PIK3R4: variants seen among roughly 807,000 people sequenced by gnomAD.
The protein encoded by PIK3R4 is phosphoinositide 3-kinase regulatory subunit 4.
In PIK3R4, 46 loss-of-function variants were observed where a neutral mutation model predicts 136.5. The ratio of observed to expected loss-of-function variants is 0.34; its 90% confidence interval spans 0.27 to 0.43. The LOEUF (loss-of-function observed/expected upper bound fraction) is 0.43. Among genes scored for constraint, PIK3R4 ranks in the 20% least tolerant of loss-of-function variants. The pLI, the probability that PIK3R4 is intolerant of heterozygous loss-of-function variation, is 1.00. For missense variants in PIK3R4, 1,331 were observed against 1,649.5 expected, an observed-to-expected ratio of 0.81 and a Z score of 3.35; for synonymous variants, 557 against 566.7, an observed-to-expected ratio of 0.98 and a Z score of 0.24.
At chr3:130,710,191 A>T (rs1318999940) in intron 9 of PIK3R4, among the ~76,000 whole-genome samples, 1 of 151,904 alleles carries the variant, frequency 6.6e-6, no homozygotes, top group Non-Finnish European at 1.5e-5. Context: ...AACATTTTAT[A>T]TATTTATATT....
intron 19 of PIK3R4, among the ~76,000 whole-genome samples, chr3:130,679,976 T>TGA (rs1053882019): frequency 2.8e-5 from 4 of 143,200 alleles, no homozygotes; most frequent in Non-Finnish European, 5.9e-5. Flanking sequence ...CTCAGGAGGC[T>TGA]GAGGCAGGAG....
chr3:130,684,142 A>G (rs1373946027), intron 16 of PIK3R4, 108 bp downstream of exon 16: 8 of 949,904 alleles, frequency 8.4e-6, no homozygotes, highest in Non-Finnish European at 1.3e-5. Flanking sequence ...ACAATCAAGC[A>G]TTCAGTTCAT....
rs1179052821 is a variant in PIK3R4, at chr3:130,686,260, G to A, written c.3426C>T (p.Gly1142=). Residue 1142 remains glycine (G), a synonymous_variant, in exon 15 of 20, where the codon GGC becomes GGT. Coordinates refer to ENST00000356763, the MANE Select transcript of PIK3R4 (RefSeq NM_014602.3). ...TGTCCACAGCAAAGGAAGTGATGAG[G>A]CCCGACTTTAAATCATGCTTTAAAG... ...AWTLKHDLKS[G]LITSFAVDIH... 2 of 1,613,364 alleles carry A rather than the reference G, an allele frequency of 1.2e-6. No individual in the cohort carries two copies.
chr3:130,723,409 C>T lies in PIK3R4; in HGVS notation c.1981+5G>A. On this transcript the variant is annotated splice_donor_5th_base_variant and intron_variant, in intron 7 of 19. Coordinates refer to ENST00000356763, the MANE Select transcript of PIK3R4 (RefSeq NM_014602.3). ...TCATTCTAATTTTGAGAAACAGAAA[C>T]TTACCAATATCACTGGCAAATTCGT... 6.3e-7 allele frequency: 1 copy of T among 1,595,196 alleles called. No individual in the cohort carries two copies.
At chr3:130,731,094 C>T (rs192743352) in intron 4 of PIK3R4, among the ~76,000 whole-genome samples, 1 of 152,314 alleles carries the variant, frequency 6.6e-6, no homozygotes, top group Admixed American at 6.5e-5. Flanking sequence ...TTCCTCACCA[C>T]TACAAAATAA....
intron 7 of PIK3R4, among the ~76,000 whole-genome samples, chr3:130,718,774 T>C (rs143861780): frequency 2.7e-3 from 407 of 152,320 alleles, no homozygotes; most frequent in African/African-American, 8.8e-3. Context: ...AGTTACCTCA[T>C]AGCTGAGGAC....
intron 7 of PIK3R4, among the ~76,000 whole-genome samples, chr3:130,721,478 T>C (rs1405225767): frequency 6.6e-6 from 1 of 151,842 alleles, no homozygotes; most frequent in African/African-American, 2.4e-5. Flanking sequence ...TTCACAAGAG[T>C]CGACATAGGA....
intron 8 of PIK3R4, 79 bp downstream of exon 8, chr3:130,718,310 A>G (rs1317178799): frequency 8.1e-7 from 1 of 1,230,198 alleles, no homozygotes; most frequent in Non-Finnish European, 1.2e-6. Flanking sequence ...AATGTTAAGA[A>G]AAATAGGACT....
intron 8 of PIK3R4, among the ~76,000 whole-genome samples, chr3:130,717,045 T>G (rs539626164): frequency 1.1e-3 from 166 of 152,320 alleles, no homozygotes; most frequent in African/African-American, 3.7e-3. Flanking sequence ...CATTGCTATC[T>G]CCATAGTGTT....
In PIK3R4 at chr3:130,733,590, A is replaced by C. The variant is rs1481838308; in HGVS notation, c.1408T>G (p.Leu470Val). The C allele has an allele frequency of 6.2e-7, 1 of 1,614,018 alleles. No homozygotes were observed. The highest frequency in any genetic ancestry group is 1.1e-5 in the South Asian group (1 of 91,074). ...PEYILPGIAH[L>V]AQDDATIVRL... ...ACGATAGTAGCATCATCTTGGGCTA[A>C]GTGGGCTATGCCTGGCAGAATGTAT... The change falls in exon 4 of 20, where the codon TTA becomes GTA. Residue 470 changes from leucine (L) to valine (V), a missense_variant. Coordinates refer to ENST00000356763, the MANE Select transcript of PIK3R4 (RefSeq NM_014602.3).
chr3:130,693,900 TG>T (rs937423214), intron 13 of PIK3R4, among the ~76,000 whole-genome samples: 1 of 152,176 alleles, frequency 6.6e-6, no homozygotes, highest in African/African-American at 2.4e-5. Flanking sequence ...CTAAGTTTTA[TG>T]GTTTTAGTTC....
intron 1 of PIK3R4, among the ~76,000 whole-genome samples, chr3:130,745,473 GT>G (rs2066847408): frequency 6.6e-6 from 1 of 152,082 alleles, no homozygotes; most frequent in Non-Finnish European, 1.5e-5. Flanking sequence ...AGAAGACCTT[GT>G]TATTTTACCT....
intron 9 of PIK3R4, among the ~76,000 whole-genome samples, chr3:130,709,741 A>G (rs1376600410): frequency 6.6e-6 from 1 of 152,178 alleles, no homozygotes; most frequent in Non-Finnish European, 1.5e-5. Context: ...GGGGACCTTA[A>G]AAACATTAAG....
At chr3:130,718,187 T>A (rs1387224731) in intron 8 of PIK3R4, among the ~76,000 whole-genome samples, 14 of 152,196 alleles carry the variant, frequency 9.2e-5, no homozygotes. Flanking sequence ...TAACATGATG[T>A]AAAACATAAT....
At chr3:130,711,351 G>A (rs2066631659) in intron 9 of PIK3R4, among the ~76,000 whole-genome samples, 1 of 152,122 alleles carries the variant, frequency 6.6e-6, no homozygotes, top group Non-Finnish European at 1.5e-5. Context: ...AGAGAGAGTT[G>A]CCAGGCTATG....
intron 11 of PIK3R4, among the ~76,000 whole-genome samples, chr3:130,706,660 A>G (rs746408017): frequency 1.1e-4 from 16 of 152,210 alleles, no homozygotes; most frequent in Non-Finnish European, 2.4e-4. Flanking sequence ...TAAAAGGTTC[A>G]CTGCAGCCTA....
intron 9 of PIK3R4, 44 bp from the exon 10 acceptor site, chr3:130,708,536 T>C (rs765036351): frequency 7.2e-6 from 11 of 1,527,920 alleles, no homozygotes; most frequent in South Asian, 1.2e-5. Flanking sequence ...TTTTCACAAA[T>C]AATAAAAACA....
chr3:130,715,399 TA>T (rs1225998785), intron 9 of PIK3R4, among the ~76,000 whole-genome samples: 2 of 152,136 alleles, frequency 1.3e-5, no homozygotes, highest in Admixed American at 1.3e-4. Flanking sequence ...GCTGGGTTTA[TA>T]GGCCTGAACC....
chr3:130,712,826 A>C (rs2066639857), intron 9 of PIK3R4, among the ~76,000 whole-genome samples: 1 of 152,152 alleles, frequency 6.6e-6, no homozygotes, highest in African/African-American at 2.4e-5. Context: ...GGAGCAGATA[A>C]ACTGCACATG....
Sources: allele counts gnomAD v4.1 joint callset (sites outside exome capture counted in the v4.1 genomes callset), GRCh38; gene constraint gnomAD v4.1.1; transcripts MANE v1.5; gene names NCBI Gene and HGNC (gene_info 2026-07-23, HGNC 2026-07-21).